The following TENM2 variants were observed in gnomAD, a reference collection of about 807,000 sequenced individuals.
TENM2 encodes teneurin-2.
In TENM2, 52 loss-of-function variants were observed where a neutral mutation model predicts 245.2. The observed-to-expected ratio is 0.21, with a 90% CI of 0.17 to 0.27. TENM2 has a LOEUF of 0.27. Ranked by LOEUF, TENM2 falls within the 10% of genes least tolerant of loss-of-function variation. TENM2 has a pLI of 1.00. For missense variants in TENM2, 3,046 were observed against 3,666.8 expected (o/e 0.83, Z 4.37); for synonymous variants, 1,363 against 1,438.9 (o/e 0.95, Z 1.19).
intron 3 of TENM2, among the ~76,000 whole-genome samples, chr5:167,879,835 C>T (rs989850031): frequency 6.6e-6 from 1 of 152,114 alleles, no homozygotes. Flanking sequence ...TGTAACTGAG[C>T]ACATGAAGGG....
chr5:168,182,142 A>G (rs1419058423), intron 13 of TENM2, among the ~76,000 whole-genome samples: 1 of 152,210 alleles, frequency 6.6e-6, no homozygotes. Context: ...TTCGCAATGC[A>G]GGAGACCTTA....
chr5:168,187,850 T>C (rs1269546017), intron 13 of TENM2: 2 of 151,988 alleles, frequency 1.3e-5, no homozygotes, highest in Non-Finnish European at 2.9e-5. Flanking sequence ...AACTGGGGAG[T>C]ATCCGATTCA....
intron 9 of TENM2, among the ~76,000 whole-genome samples, chr5:168,112,647 T>C (rs1312055949): frequency 6.7e-6 from 1 of 149,932 alleles, no homozygotes; most frequent in Non-Finnish European, 1.5e-5. Flanking sequence ...ACCAGATGGA[T>C]TGCCAATTGC....
At chr5:167,115,980 T>A in the TENM2 span, among the ~76,000 whole-genome samples, 1 of 152,164 alleles carries the variant, frequency 6.6e-6, no homozygotes, top group Non-Finnish European at 1.5e-5. Flanking sequence ...CTAATAGGAC[T>A]GTTGTGAGAA....
At chr5:167,675,226 GT>G (rs1473015794) in intron 2 of TENM2, among the ~76,000 whole-genome samples, 1 of 152,096 alleles carries the variant, frequency 6.6e-6, no homozygotes, top group African/African-American at 2.4e-5. Context: ...AAGACAAAAT[GT>G]CTTGTTTCCT....
At chr5:167,022,518 A>G in the TENM2 span, among the ~76,000 whole-genome samples, 320 of 152,344 alleles carry the variant, frequency 2.1e-3, 2 homozygotes, top group African/African-American at 7.2e-3. Flanking sequence ...TTCAAATTTA[A>G]CTGTATGTCC....
At chr5:167,501,179 C>G (rs1769188506) in intron 2 of TENM2, among the ~76,000 whole-genome samples, 2 of 152,124 alleles carry the variant, frequency 1.3e-5, no homozygotes, top group Admixed American at 6.6e-5. Flanking sequence ...CCTGAACTTC[C>G]TTTGATTTTC....
At chr5:167,118,322 G>A in the TENM2 span, among the ~76,000 whole-genome samples, 1 of 152,154 alleles carries the variant, frequency 6.6e-6, no homozygotes, top group Non-Finnish European at 1.5e-5. Flanking sequence ...ACTTAGAGAT[G>A]AATTATGCTT....
rs372270632 is a variant in TENM2, at chr5:167,811,640, G to T, written c.503-64346G>T. Among the ~76,000 whole-genome samples the T allele has an allele frequency of 3.3e-5, 5 of 152,226 alleles. No individual in the cohort carries two copies. The South Asian group carries it at 6.2e-4, about 19-fold the overall frequency. ...GCCAAATATTTGTCAAGATGTTAAT[G>T]GTTCAAATAAGTCATGGATAGAGTT... is the stretch of plus-strand genomic sequence containing the variant. On this transcript the variant is annotated intron_variant, in intron 2 of 28. Coordinates refer to ENST00000518659, the Ensembl canonical transcript of TENM2.
the TENM2 span, among the ~76,000 whole-genome samples, chr5:167,003,044 C>T: frequency 3.3e-5 from 5 of 151,788 alleles, no homozygotes; most frequent in Non-Finnish European, 5.9e-5. Context: ...TCATGCAGAT[C>T]TTCCTGATTT....
intron 2 of TENM2, among the ~76,000 whole-genome samples, chr5:167,635,176 A>G (rs928858710): frequency 2.0e-5 from 3 of 152,206 alleles, no homozygotes; most frequent in Non-Finnish European, 4.4e-5. Context: ...TATAATCTAT[A>G]TACAGAGATA....
intron 10 of TENM2, among the ~76,000 whole-genome samples, chr5:168,124,482 C>T (rs777601943): frequency 1.3e-5 from 2 of 152,218 alleles, no homozygotes; most frequent in African/African-American, 2.4e-5. Context: ...GGCATATATT[C>T]ACATTCCTAT....
At chr5:167,061,122 A>G in the TENM2 span, among the ~76,000 whole-genome samples, 1 of 150,056 alleles carries the variant, frequency 6.7e-6, no homozygotes, top group African/African-American at 2.5e-5. Flanking sequence ...ACACACACAC[A>G]TGCATACGCA....
At chr5:167,730,876 G>C (rs937265634) in intron 2 of TENM2, among the ~76,000 whole-genome samples, 1 of 152,108 alleles carries the variant, frequency 6.6e-6, no homozygotes, top group Non-Finnish European at 1.5e-5. Flanking sequence ...ATGAACTGCA[G>C]GATAATAAGC....
At chr5:167,565,016 T>C (rs183824515) in intron 2 of TENM2, among the ~76,000 whole-genome samples, 137 of 152,338 alleles carry the variant, frequency 9.0e-4, no homozygotes, top group African/African-American at 3.2e-3. Flanking sequence ...CACAGGGGCC[T>C]AAAGTAGAAA....
At chr5:168,038,592 C>A (rs191936188) in intron 5 of TENM2, among the ~76,000 whole-genome samples, 1 of 152,250 alleles carries the variant, frequency 6.6e-6, no homozygotes, top group African/African-American at 2.4e-5. Context: ...TGAGTCAGTA[C>A]GTTACAAAAA....
chr5:167,291,951 T>C (rs1754665006), intron 1 of TENM2, among the ~76,000 whole-genome samples: 2 of 152,288 alleles, frequency 1.3e-5, no homozygotes, highest in Middle Eastern at 3.4e-3. Flanking sequence ...CAGTTCCACA[T>C]GGCTGGGAGG....
At chr5:168,103,135 G>A (rs1793957468) in intron 9 of TENM2, among the ~76,000 whole-genome samples, 1 of 149,686 alleles carries the variant, frequency 6.7e-6, no homozygotes, top group African/African-American at 2.5e-5. Flanking sequence ...TGCGGTGTTT[G>A]GTTTTTTGTC....
rs557576877 is a variant in TENM2, at chr5:167,375,265, C to T, written c.294C>T (p.Ser98=). 27 of 1,551,718 alleles carry T rather than the reference C, an allele frequency of 1.7e-5. No individual in the cohort carries two copies. The South Asian group carries it at 2.3e-4, about 13-fold the overall frequency. Residue 98 remains serine, a synonymous_variant, in exon 2 of 29, where the codon TCC becomes TCT. Coordinates refer to ENST00000518659, the Ensembl canonical transcript of TENM2. The stretch of plus-strand genomic sequence containing the variant: ...CCCCACACCGAAGCGGCTACTGCTC[C>T]GACATGGGGATCCTTCACCAGGGCT...
Sources: allele counts gnomAD v4.1 joint callset (sites outside exome capture counted in the v4.1 genomes callset), GRCh38; gene constraint gnomAD v4.1.1; transcripts MANE v1.5; gene names NCBI Gene and HGNC (gene_info 2026-07-23, HGNC 2026-07-21).